NHS: variants seen among roughly 807,000 people sequenced by gnomAD.
NHS encodes NHS actin remodeling regulator.
NHS carries 5 observed loss-of-function variants against 72.5 expected under a neutral mutation model. That is an observed-to-expected ratio of 0.07 (90% CI 0.04 to 0.14). The LOEUF (loss-of-function observed/expected upper bound fraction) is 0.14, where lower values mean the gene tolerates loss of function less well. NHS is among the 10% of genes least tolerant of loss of function. NHS has a pLI of 1.00. For synonymous variants in NHS, 464 were observed against 547.7 expected, an observed-to-expected ratio of 0.85 and a Z score of 2.13; for missense variants, 1,072 against 1,355.7, an observed-to-expected ratio of 0.79 and a Z score of 3.29.
intron 1 of NHS, among the ~76,000 whole-genome samples, chrX:17,517,330 A>G (rs1268235433): frequency 2.7e-5 from 3 of 112,088 alleles, no homozygotes; most frequent in East Asian, 5.6e-4. Context: ...TTTGTTGTTA[A>G]ATGTTGATGC....
chrX:17,425,565 A>G, intron 1 of NHS, among the ~76,000 whole-genome samples: 3 of 95,731 alleles, frequency 3.1e-5, no homozygotes, highest in African/African-American at 7.9e-5. Context: ...AAAAAAAAAA[A>G]AAAAAAGAAA....
intron 1 of NHS, among the ~76,000 whole-genome samples, chrX:17,376,584 G>A (rs760018810): frequency 1.8e-5 from 2 of 112,570 alleles, no homozygotes; most frequent in Non-Finnish European, 3.8e-5. Context: ...CGCAGGCAGC[G>A]TGGGCTGAGA....
chrX:17,634,625 T>C (rs2065835904), intron 1 of NHS, among the ~76,000 whole-genome samples: 1 of 109,221 alleles, frequency 9.2e-6, no homozygotes, highest in Non-Finnish European at 1.9e-5. Flanking sequence ...GGATGGTTGC[T>C]GTTTGTGAAG....
chrX:17,387,206 A>G (rs1471428108), intron 1 of NHS, among the ~76,000 whole-genome samples: 1 of 111,743 alleles, frequency 8.9e-6, no homozygotes, highest in Non-Finnish European at 1.9e-5. Context: ...TACTCACAAT[A>G]TCTATCATCA....
chrX:17,505,024 G>A (rs1484726852), intron 1 of NHS, among the ~76,000 whole-genome samples: 1 of 111,093 alleles, frequency 9.0e-6, no homozygotes, highest in Non-Finnish European at 1.9e-5. Flanking sequence ...GTGTGTGTGT[G>A]TGAATATATA....
chrX:17,521,433 G>A (rs181796403), intron 1 of NHS, among the ~76,000 whole-genome samples: 2 of 107,498 alleles, frequency 1.9e-5, no homozygotes, highest in African/African-American at 7.1e-5. Flanking sequence ...ATGATCTTGG[G>A]TCACTGCAGC....
At chrX:17,394,671 C>T (rs1222670603) in intron 1 of NHS, among the ~76,000 whole-genome samples, 1 of 111,570 alleles carries the variant, frequency 9.0e-6, no homozygotes, top group Admixed American at 9.6e-5. Context: ...CCTATCTTTT[C>T]TGTAGGTGAC....
At chrX:17,559,205 G>T (rs1384913143) in intron 1 of NHS, among the ~76,000 whole-genome samples, 1 of 112,101 alleles carries the variant, frequency 8.9e-6, no homozygotes, top group Non-Finnish European at 1.9e-5. Context: ...GAGGAGAGGA[G>T]CTAGTGCCTA....
chrX:17,589,410 C>T (rs969928501), intron 1 of NHS, among the ~76,000 whole-genome samples: 1 of 111,883 alleles, frequency 8.9e-6, no homozygotes, highest in Non-Finnish European at 1.9e-5. Flanking sequence ...TAAGAACATA[C>T]GATGTTTGGT....
At chrX:17,409,391 A>T (rs1346932245) in intron 1 of NHS, among the ~76,000 whole-genome samples, 44 of 100,212 alleles carry the variant, frequency 4.4e-4, no homozygotes, top group Admixed American at 1.4e-3. Flanking sequence ...TTTTTTTTTT[A>T]AATTACTATT....
chrX:17,478,937 GAT>G (rs1270282326), intron 1 of NHS, among the ~76,000 whole-genome samples: 7 of 111,274 alleles, frequency 6.3e-5, no homozygotes, highest in Non-Finnish European at 1.3e-4. Flanking sequence ...TAAGTTCTGG[GAT>G]ATATGTGCCG....
chrX:17,543,631 AGTTCTTGTTTT>A (rs777249872), intron 1 of NHS, among the ~76,000 whole-genome samples: 1 of 111,630 alleles, frequency 9.0e-6, no homozygotes, highest in Non-Finnish European at 1.9e-5. Flanking sequence ...CTCTGTAGGC[AGTTCTTGTTTT>A]TTTTGTTTTG....
chrX:17,406,608 C>T (rs781398580), intron 1 of NHS, among the ~76,000 whole-genome samples: 1 of 111,322 alleles, frequency 9.0e-6, no homozygotes, highest in Non-Finnish European at 1.9e-5. Flanking sequence ...TGCCATGGGA[C>T]TCTTTTTCAT....
At chrX:17,386,410 C>A (rs1262581756) in intron 1 of NHS, among the ~76,000 whole-genome samples, 3 of 110,987 alleles carry the variant, frequency 2.7e-5, no homozygotes, top group African/African-American at 9.8e-5. Flanking sequence ...CCTCTAATCC[C>A]AGCACTTTGG....
At chrX:17,671,768 T>A (rs1393458732) in intron 1 of NHS, among the ~76,000 whole-genome samples, 1 of 112,077 alleles carries the variant, frequency 8.9e-6, no homozygotes, top group African/African-American at 3.3e-5. Flanking sequence ...TACATTTGTA[T>A]AATAGTAGTC....
intron 1 of NHS, among the ~76,000 whole-genome samples, chrX:17,434,319 C>G (rs2064709370): frequency 9.0e-6 from 1 of 111,210 alleles, no homozygotes; most frequent in South Asian, 3.8e-4. Flanking sequence ...TCTCAGTTGG[C>G]GTAAGGAGAA....
At chrX:17,594,097 T>C (rs2065614931) in intron 1 of NHS, among the ~76,000 whole-genome samples, 2 of 112,183 alleles carry the variant, frequency 1.8e-5, no homozygotes, top group South Asian at 7.4e-4. Context: ...TTATTTAATC[T>C]TCCCAACAAC....
Position 17,728,124 on chromosome X carries a change from T to C in NHS, c.4018T>C (p.Phe1340Leu), listed in dbSNP as rs3747295. 107,872 of 1,209,376 alleles carry C rather than the reference T, an allele frequency of 0.089. 20,115 individuals carry two copies. Among genetic ancestry groups the C allele is most frequent in the African/African-American group, 0.84 (47,692 of 56,763 alleles). ...TAGAGCAACAGATGTAAGCAATCAA[T>C]TTAAGCATCAATTTGTTATGAGCCG... ...PTRATDVSNQ[F>L]KHQFVMSRHH... Residue 1340 changes from phenylalanine to leucine, a missense_variant, in exon 7 of 9, where the codon TTT becomes CTT. By Grantham distance (22) the Phe-to-Leu change is conservative. Transcript: ENST00000676302.
intron 3 of NHS, among the ~76,000 whole-genome samples, chrX:17,712,290 T>TATATATACAC (rs1396937988): frequency 3.0e-4 from 16 of 53,006 alleles, no homozygotes; most frequent in Admixed American, 4.9e-4. Flanking sequence ...TATATATATA[T>TATATATACAC]ACACACACAC....
Sources: gnomAD v4.1 joint callset for allele counts (sites outside exome capture counted in the v4.1 genomes callset) on GRCh38, gnomAD v4.1.1 for gene constraint, MANE v1.5 for transcripts, NCBI Gene and HGNC (gene_info 2026-07-23, HGNC 2026-07-21) for gene names.